Variants in SLC25A28 observed in about 807,000 individuals in gnomAD.
SLC25A28 encodes solute carrier family 25 member 28, also known as mitoferrin-2.
In SLC25A28, 10 loss-of-function variants were observed where a neutral mutation model predicts 31.9. That is an observed-to-expected ratio of 0.31 (90% CI 0.19 to 0.53). The LOEUF (loss-of-function observed/expected upper bound fraction) is 0.53, where lower values mean the gene tolerates loss of function less well. SLC25A28 is among the 20% of genes least tolerant of loss of function. The probability of loss-of-function intolerance (pLI) is 0.95; values close to 1 mark genes in which losing one functional copy is unlikely to be tolerated. For missense variants in SLC25A28, 256 were observed against 490.3 expected, an observed-to-expected ratio of 0.52 and a Z score of 4.51; for synonymous variants, 208 against 203.6, an observed-to-expected ratio of 1.02 and a Z score of -0.19.
the SLC25A28 span, among the ~76,000 whole-genome samples, chr10:99,658,432 G>A: frequency 1.3e-5 from 2 of 152,180 alleles, no homozygotes; most frequent in Non-Finnish European, 1.5e-5. Context: ...TGCCTTCAAG[G>A]ATATTCTGTC....
Position 99,619,359 on chromosome 10 carries a change from C to T in SLC25A28, c.291+686G>A, listed in dbSNP as rs1337633152. The T allele has an allele frequency of 9.1e-6, 9 of 985,276 alleles. No homozygotes were observed. In the East Asian group the frequency reaches 7.9e-4, roughly 87 times the overall value. The allele number at this position is 985,276 out of a possible 1,614,324, so 61.0% of individuals were successfully genotyped here. On this transcript the variant is annotated intron_variant, in intron 1 of 3. Coordinates refer to ENST00000370495, the MANE Select transcript of SLC25A28 (RefSeq NM_031212.4). ...TCTCTCTTGTTTGGAGGCTGATGTG[C>T]TCCCTGAACATACAGTCCTAATCCC...
Position 99,611,266 on chromosome 10 carries a change from G to A in SLC25A28, c.678C>T (p.Arg226=). The A allele has an allele frequency of 6.2e-7, 1 of 1,614,172 alleles. No homozygotes were observed. Among genetic ancestry groups the A allele is most frequent in the Non-Finnish European group, 8.5e-7 (1 of 1,180,042 alleles). Residue 226 remains arginine, a synonymous_variant, in exon 4 of 4, where the codon CGC becomes CGT. Coordinates refer to ENST00000370495, the MANE Select transcript of SLC25A28 (RefSeq NM_031212.4). The surrounding 1 kb of genome is among the most constrained non-coding windows in gnomAD (Gnocchi z 5.5). ...WQNEGAGAFY[R]SYTTQLTMNV... ...TCATGGTCAGCTGGGTGGTGTAGCT[G>A]CGGTAAAAGGCCCCGGCCCCTTCAT...
intron 1 of SLC25A28, chr10:99,618,141 G>C (rs1041939084): frequency 2.3e-6 from 1 of 433,282 alleles, no homozygotes; most frequent in Non-Finnish European, 3.1e-6. Context: ...ACAGGGCAAA[G>C]ATTTGCCTCC....
At chr10:99,651,702 C>T in the SLC25A28 span, among the ~76,000 whole-genome samples, 89 of 151,434 alleles carry the variant, frequency 5.9e-4, 3 homozygotes, top group Non-Finnish European at 3.2e-4. Flanking sequence ...ATGATCCTCT[C>T]ACCTCAGCCT....
chr10:99,623,169 A>G (rs1217639562), upstream of SLC25A28, among the ~76,000 whole-genome samples: 1 of 152,228 alleles, frequency 6.6e-6, no homozygotes, highest in African/African-American at 2.4e-5. Flanking sequence ...CAGAAGGAAC[A>G]GTAGGTACGA....
At position 99,610,564 on chromosome 10, in the gene SLC25A28, G is replaced by A. The variant is rs2034497801; in HGVS notation, c.*285C>T. 5.2e-6 allele frequency: 2 copies of A among 386,624 alleles called. No individual in the cohort carries two copies. The highest frequency in any genetic ancestry group is 4.0e-5 in the African/African-American group (2 of 50,082). 23.9% of individuals were successfully genotyped at this position (386,624 alleles called of 1,614,324 possible). A position where few individuals can be genotyped will look rare whatever the true frequency, so the allele number is the denominator to read the frequency against. On this transcript the variant is annotated 3_prime_UTR_variant, in exon 4 of 4. Transcript: ENST00000370495. ...TTATTAGGAACCAGGGGAATGAGCT[G>A]CTTATCCCTCTATAACAGTCTAGAG... is the stretch of plus-strand genomic sequence containing the variant.
chr10:99,633,740 G>C, the SLC25A28 span, among the ~76,000 whole-genome samples: 1 of 151,718 alleles, frequency 6.6e-6, no homozygotes, highest in Non-Finnish European at 1.5e-5. Context: ...AAGACAAAGG[G>C]CATAAACTTG....
chr10:99,622,535 A>T, upstream of SLC25A28: 1 of 514,124 alleles, frequency 1.9e-6, no homozygotes, highest in Non-Finnish European at 2.5e-6. Context: ...TACATTTTTC[A>T]CTCTTTTATT....
At chr10:99,645,505 C>G in the SLC25A28 span, among the ~76,000 whole-genome samples, 1 of 152,136 alleles carries the variant, frequency 6.6e-6, no homozygotes, top group African/African-American at 2.4e-5. Context: ...GAACATTCTC[C>G]TTTAGCTTAG....
At chr10:99,620,448 C>T, upstream of SLC25A28, 10 of 1,046,244 alleles carry the variant, frequency 9.6e-6, no homozygotes, top group Non-Finnish European at 1.1e-5. Flanking sequence ...CCGGGGCCTC[C>T]GGCTCCCGCT....
At chr10:99,638,493 G>A in the SLC25A28 span, among the ~76,000 whole-genome samples, 1 of 152,174 alleles carries the variant, frequency 6.6e-6, no homozygotes, top group African/African-American at 2.4e-5. Context: ...ATTCAGCAGA[G>A]TAAACAGCAA....
chr10:99,648,686 GT>G, the SLC25A28 span, among the ~76,000 whole-genome samples: 1,421 of 119,742 alleles, frequency 0.012, 7 homozygotes, highest in Middle Eastern at 0.037. Context: ...ATATTCCTAG[GT>G]TTTTTTTTTT....
upstream of SLC25A28, chr10:99,620,836 G>T (rs2034775433): frequency 1.0e-6 from 1 of 985,340 alleles, no homozygotes; most frequent in Non-Finnish European, 1.2e-6. Flanking sequence ...GGCCGACTTC[G>T]GGCCCCTCAC....
chr10:99,631,440 T>G, the SLC25A28 span, among the ~76,000 whole-genome samples: 1 of 152,150 alleles, frequency 6.6e-6, no homozygotes, highest in South Asian at 2.1e-4. Context: ...TTTAATTTTA[T>G]ATTATATCTT....
Position 99,610,772 on chromosome 10 carries a change from G to T in SLC25A28, c.*77C>A. The T allele has an allele frequency of 6.5e-7, 1 of 1,527,998 alleles. No homozygotes were observed. The allele number at this position is 1,527,998 out of a possible 1,614,324, so 94.7% of individuals were successfully genotyped here. ...CTTCCTTCTAACTCCACTTGAGGTG[G>T]GAGCATTCCAGGAGACAGAGAATGT... On this transcript the variant is annotated 3_prime_UTR_variant, in exon 4 of 4. Coordinates refer to ENST00000370495, the MANE Select transcript of SLC25A28 (RefSeq NM_031212.4).
At chr10:99,624,802 T>A (rs1043097894), upstream of SLC25A28, among the ~76,000 whole-genome samples, 1 of 152,064 alleles carries the variant, frequency 6.6e-6, no homozygotes, top group Non-Finnish European at 1.5e-5. Context: ...GCCACTGCAC[T>A]CCAGTCTGGG....
the SLC25A28 span, among the ~76,000 whole-genome samples, chr10:99,637,974 A>T: frequency 3.9e-5 from 6 of 152,190 alleles, no homozygotes; most frequent in Non-Finnish European, 8.8e-5. Flanking sequence ...AACCAAAAAG[A>T]GCCCGCATAG....
the SLC25A28 span, among the ~76,000 whole-genome samples, chr10:99,639,564 C>T: frequency 6.6e-6 from 1 of 151,980 alleles, no homozygotes; most frequent in African/African-American, 2.4e-5. Flanking sequence ...AAAAAATTCC[C>T]TGGAGAGGAC....
At chr10:99,617,134 G>A (rs2034676076) in intron 1 of SLC25A28, 7 of 985,258 alleles carry the variant, frequency 7.1e-6, no homozygotes, top group Non-Finnish European at 8.4e-6. Context: ...ATGATAGGTG[G>A]GTACTTCGCC....
Sources: gnomAD v4.1 joint callset for allele counts (sites outside exome capture counted in the v4.1 genomes callset) on GRCh38, gnomAD v4.1.1 for gene constraint, Gnocchi (gnomAD v3.1) non-coding constraint, MANE v1.5 for transcripts, NCBI Gene and HGNC (gene_info 2026-07-23, HGNC 2026-07-21) for gene names.